The following CACNA2D3 variants were observed in gnomAD, a reference collection of about 807,000 sequenced individuals.
CACNA2D3 encodes the protein voltage-dependent calcium channel subunit alpha-2/delta-3.
CACNA2D3 carries 60 observed loss-of-function variants against 160.6 expected under a neutral mutation model. The ratio of observed to expected loss-of-function variants is 0.37; its 90% CI spans 0.30 to 0.46. CACNA2D3 has a LOEUF of 0.46. Ranked by LOEUF, CACNA2D3 falls within the 20% of genes least tolerant of loss-of-function variation. CACNA2D3 has a pLI of 1.00. For synonymous variants in CACNA2D3, 558 were observed against 492.9 expected (o/e 1.13, Z -1.75); for missense variants, 1,205 against 1,365.0 (o/e 0.88, Z 1.85).
chr3:54,763,762 T>C lies in CACNA2D3; in HGVS notation c.1247-456T>C, dbSNP rs9758018. 6.9e-4 allele frequency among the ~76,000 whole-genome samples: 11 copies of C among 15,872 alleles called. 2 individuals carry two copies. In the South Asian group the frequency reaches 0.011, roughly 15 times the overall value. 10.4% of individuals were successfully genotyped at this position (15,872 alleles called of 152,430 possible). On this transcript the variant is annotated intron_variant, in intron 12 of 37. Coordinates refer to ENST00000474759, the MANE Select transcript of CACNA2D3 (RefSeq NM_018398.3). Reference sequence around the variant, plus strand: ...GTATATATGTGCATATATATACACATATATATGTATATATGTACATATATA... The same window carrying C: ...GTATATATGTGCATATATATACACACATATATGTATATATGTACATATATA...
intron 4 of CACNA2D3, among the ~76,000 whole-genome samples, chr3:54,459,640 T>G (rs572483290): frequency 0.043 from 6,551 of 151,968 alleles, 460 homozygotes; most frequent in African/African-American, 0.15. Flanking sequence ...TCTTGTAAAT[T>G]TGTTTGAGTT....
chr3:54,274,212 A>G (rs980163937), intron 2 of CACNA2D3, among the ~76,000 whole-genome samples: 2 of 149,650 alleles, frequency 1.3e-5, no homozygotes, highest in African/African-American at 2.4e-5. Context: ...AATGATTTCT[A>G]TGCATATATA....
chr3:54,284,340 G>C (rs1167892895), intron 2 of CACNA2D3, among the ~76,000 whole-genome samples: 2 of 151,218 alleles, frequency 1.3e-5, no homozygotes, highest in Admixed American at 1.3e-4. Context: ...GTTTTGTACT[G>C]ATGTTAATCT....
chr3:54,860,854 A>C, intron 17 of CACNA2D3, among the ~76,000 whole-genome samples: 1 of 152,220 alleles, frequency 6.6e-6, no homozygotes, highest in East Asian at 1.9e-4. Context: ...AATGAGAACA[A>C]AAAAATAGTG....
rs549326445 is a variant in CACNA2D3 at position 54,601,686 on chromosome 3, C to T, written c.963+19809C>T. ...TAACACAACCCCAAATCTTATACCCCAGTCACTAGTAAGAAACTCTAGCAA... is the reference window on the plus strand; with the variant it reads ...TAACACAACCCCAAATCTTATACCCTAGTCACTAGTAAGAAACTCTAGCAA... On this transcript the variant is annotated intron_variant, in intron 9 of 37. Transcript: ENST00000474759. Among the ~76,000 whole-genome samples the T allele has an allele frequency of 9.2e-5, 14 of 152,000 alleles. No individual in the cohort carries two copies. In the South Asian group the frequency reaches 2.5e-3, roughly 27 times the overall value.
rs182220961 is a variant in CACNA2D3 at position 54,446,161 on chromosome 3, T to C, written c.382-57331T>C. On this transcript the variant is annotated intron_variant, in intron 4 of 37. Coordinates refer to ENST00000474759, the MANE Select transcript of CACNA2D3 (RefSeq NM_018398.3). ...AAGATGTCTTTCCTAACCTGTACTT[T>C]TACAAGAGGCTTCAATTTCAACAAC... Among the ~76,000 whole-genome samples the C allele has an allele frequency of 5.3e-5, 8 of 152,330 alleles. No homozygotes were observed. The East Asian group carries it at 1.3e-3, about 26-fold the overall frequency.
At chr3:54,323,969 A>G (rs1019991589) in intron 3 of CACNA2D3, among the ~76,000 whole-genome samples, 1 of 152,196 alleles carries the variant, frequency 6.6e-6, no homozygotes, top group African/African-American at 2.4e-5. Flanking sequence ...CGTGTGTAAG[A>G]GAAACCTGGT....
intron 35 of CACNA2D3, among the ~76,000 whole-genome samples, chr3:55,064,252 T>C (rs1267133136): frequency 6.6e-6 from 1 of 152,232 alleles, no homozygotes; most frequent in Non-Finnish European, 1.5e-5. Flanking sequence ...GGGATTTCAA[T>C]CTTTGCATCA....
chr3:54,341,511 G>A (rs182192366), intron 3 of CACNA2D3, among the ~76,000 whole-genome samples: 2 of 152,224 alleles, frequency 1.3e-5, no homozygotes, highest in Non-Finnish European at 2.9e-5. Flanking sequence ...GAAGGGGTCA[G>A]GAAGGTTGGT....
chr3:54,460,373 C>G (rs1700480005), intron 4 of CACNA2D3, among the ~76,000 whole-genome samples: 1 of 152,116 alleles, frequency 6.6e-6, no homozygotes, highest in Non-Finnish European at 1.5e-5. Flanking sequence ...GGCAGTATGG[C>G]CATTTTCACG....
chr3:54,714,904 A>G (rs566903586), intron 11 of CACNA2D3, among the ~76,000 whole-genome samples: 15 of 152,340 alleles, frequency 9.8e-5, no homozygotes, highest in African/African-American at 3.6e-4. Context: ...AGTTTCTCTT[A>G]TAATACTTTT....
chr3:54,655,053 C>T (rs1349898968), intron 11 of CACNA2D3, among the ~76,000 whole-genome samples: 1 of 152,218 alleles, frequency 6.6e-6, no homozygotes, highest in East Asian at 1.9e-4. Flanking sequence ...CCCAATCCAA[C>T]GTGTGCTTGG....
At chr3:54,151,494 CAG>C (rs1700151761) in intron 2 of CACNA2D3, among the ~76,000 whole-genome samples, 1 of 152,110 alleles carries the variant, frequency 6.6e-6, no homozygotes, top group African/African-American at 2.4e-5. Context: ...TTTCTGCTCT[CAG>C]GGGCCTTGGA....
intron 13 of CACNA2D3, among the ~76,000 whole-genome samples, chr3:54,768,182 T>C (rs1702256190): frequency 6.6e-6 from 1 of 152,212 alleles, no homozygotes; most frequent in African/African-American, 2.4e-5. Flanking sequence ...AAGTGGCACC[T>C]GAACAGTGGG....
chr3:54,368,233 G>C (rs1301256054), intron 3 of CACNA2D3, among the ~76,000 whole-genome samples: 2 of 152,160 alleles, frequency 1.3e-5, no homozygotes, highest in African/African-American at 4.8e-5. Context: ...ACTTTGGAAG[G>C]CCGAGGTGGG....
chr3:54,821,342 T>C (rs573105943), intron 14 of CACNA2D3, among the ~76,000 whole-genome samples: 1 of 152,316 alleles, frequency 6.6e-6, no homozygotes, highest in East Asian at 1.9e-4. Flanking sequence ...GTGTTTTGTT[T>C]CCTGTTAGGA....
chr3:54,225,928 C>A (rs1208131464), intron 2 of CACNA2D3, among the ~76,000 whole-genome samples: 1 of 152,106 alleles, frequency 6.6e-6, no homozygotes, highest in Non-Finnish European at 1.5e-5. Flanking sequence ...AGCACTGAGA[C>A]TAGGAGCAGT....
chr3:55,020,563 A>T (rs1703424016), intron 35 of CACNA2D3, among the ~76,000 whole-genome samples: 1 of 151,850 alleles, frequency 6.6e-6, no homozygotes, highest in African/African-American at 2.4e-5. Context: ...TCATTGTCAT[A>T]AACAGGCCAG....
chr3:54,268,330 G>T (rs1307121738), intron 2 of CACNA2D3, among the ~76,000 whole-genome samples: 1 of 152,154 alleles, frequency 6.6e-6, no homozygotes, highest in East Asian at 1.9e-4. Context: ...CCACCCGCTG[G>T]CCACTGCACT....
Sources: allele counts gnomAD v4.1 joint callset (sites outside exome capture counted in the v4.1 genomes callset), GRCh38; gene constraint gnomAD v4.1.1; transcripts MANE v1.5; gene names NCBI Gene and HGNC (gene_info 2026-07-23, HGNC 2026-07-21).